The following RNF150 variants were observed in gnomAD, a reference collection of about 807,000 sequenced individuals.
RNF150 encodes the protein ring finger protein 150.
A neutral mutation model predicts 39.3 loss-of-function variants in RNF150; 24 were observed. The observed-to-expected ratio is 0.61, with a 90% CI of 0.44 to 0.86. RNF150 has a LOEUF of 0.86. Ranked by LOEUF, RNF150 falls within the 40% of genes least tolerant of loss-of-function variation. The probability of loss-of-function intolerance (pLI) is 0.00; values close to 1 mark genes in which losing one functional copy is unlikely to be tolerated. For missense variants in RNF150, 502 were observed against 587.8 expected, an observed-to-expected ratio of 0.85 and a Z score of 1.51; for synonymous variants, 255 against 227.3, an observed-to-expected ratio of 1.12 and a Z score of -1.10.
intron 1 of RNF150, among the ~76,000 whole-genome samples, chr4:141,014,622 C>T (rs1437094639): frequency 2.3e-5 from 2 of 86,884 alleles, no homozygotes; most frequent in African/African-American, 5.8e-5. Flanking sequence ...TACCAATTGG[C>T]CACATTTGCA....
At chr4:140,930,938 T>A (rs1731610459) in intron 4 of RNF150, among the ~76,000 whole-genome samples, 1 of 117,944 alleles carries the variant, frequency 8.5e-6, no homozygotes. Flanking sequence ...CTGGATCTGC[T>A]GGGGTTTTTT....
At chr4:141,188,432 T>C (rs192835369) in intron 1 of RNF150, among the ~76,000 whole-genome samples, 1 of 152,226 alleles carries the variant, frequency 6.6e-6, no homozygotes, top group Non-Finnish European at 1.5e-5. Flanking sequence ...GATAATATCC[T>C]GAAGTGTGTT....
At position 141,029,144 on chromosome 4, in the gene RNF150, G is replaced by A. The variant is rs1024517460; in HGVS notation, c.485-61271C>T. On this transcript the variant is annotated intron_variant, in intron 1 of 6. Transcript: ENST00000515673. ...AACTTGTGAATACATTGATATGCCC[G>A]GAGAAGAAGGGTTCTGTTAAAACTA... Among the ~76,000 whole-genome samples, 10 of 152,218 alleles carry A rather than the reference G, an allele frequency of 6.6e-5. No homozygotes were observed. The South Asian group carries it at 8.3e-4, about 13-fold the overall frequency.
At chr4:140,921,795 G>C (rs1254892780) in intron 5 of RNF150, among the ~76,000 whole-genome samples, 1 of 152,144 alleles carries the variant, frequency 6.6e-6, no homozygotes, top group African/African-American at 2.4e-5. Flanking sequence ...TCATCCCTGG[G>C]ATGCAAGGCT....
rs1010701692 is a variant in RNF150, at chr4:140,862,526, A to G, written c.*5735T>C. The G allele has an allele frequency of 6.6e-6, 1 of 152,218 alleles. No homozygotes were observed. Among genetic ancestry groups the G allele is most frequent in the Non-Finnish European group, 1.5e-5 (1 of 68,038 alleles). 9.4% of individuals were successfully genotyped at this position (152,218 alleles called of 1,614,324 possible). A position where few individuals can be genotyped will look rare whatever the true frequency, so the allele number is the denominator to read the frequency against. On this transcript the variant is annotated 3_prime_UTR_variant, in exon 7 of 7. Transcript: ENST00000515673. ...GACTTGCTTCATTAGTTCTGGGATG[A>G]TAACTTGGTGTCAATAAAAGGTGTA...
At chr4:141,045,547 T>C (rs1055974385) in intron 1 of RNF150, among the ~76,000 whole-genome samples, 1 of 152,058 alleles carries the variant, frequency 6.6e-6, no homozygotes, top group Non-Finnish European at 1.5e-5. Context: ...TTTTTATTTA[T>C]TTATTTATTT....
intron 1 of RNF150, among the ~76,000 whole-genome samples, chr4:141,071,508 G>T (rs1329801239): frequency 6.6e-6 from 1 of 151,926 alleles, no homozygotes; most frequent in African/African-American, 2.4e-5. Flanking sequence ...AAACAAGCAG[G>T]GAGGGATTGA....
At chr4:140,906,354 TAAA>T (rs1465469349) in intron 6 of RNF150, among the ~76,000 whole-genome samples, 1 of 151,938 alleles carries the variant, frequency 6.6e-6, no homozygotes, top group Admixed American at 6.6e-5. Flanking sequence ...ATAATATAAA[TAAA>T]AAGTCAATAT....
chr4:140,925,131 C>T (rs966280136), intron 5 of RNF150, among the ~76,000 whole-genome samples: 5 of 152,162 alleles, frequency 3.3e-5, no homozygotes, highest in South Asian at 2.1e-4. Context: ...ATCTGCATTT[C>T]GTTTGTCTGA....
intron 1 of RNF150, among the ~76,000 whole-genome samples, chr4:141,177,893 G>A (rs1209610984): frequency 2.0e-5 from 3 of 151,976 alleles, no homozygotes; most frequent in African/African-American, 7.3e-5. Flanking sequence ...ATCTTATACT[G>A]CTATAAGAAT....
chr4:141,015,173 T>C (rs1735224679), intron 1 of RNF150, among the ~76,000 whole-genome samples: 1 of 152,194 alleles, frequency 6.6e-6, no homozygotes, highest in South Asian at 2.1e-4. Context: ...CTCCTATTGA[T>C]TGATGTGTCT....
intron 1 of RNF150, among the ~76,000 whole-genome samples, chr4:141,199,118 A>G (rs1728250937): frequency 6.6e-6 from 1 of 152,244 alleles, no homozygotes; most frequent in Non-Finnish European, 1.5e-5. Context: ...ACACTTGAAA[A>G]GATGCTCAAC....
chr4:141,188,863 T>C (rs1728058413), intron 1 of RNF150, among the ~76,000 whole-genome samples: 1 of 151,942 alleles, frequency 6.6e-6, no homozygotes, highest in South Asian at 2.1e-4. Context: ...ACCCACCTTC[T>C]TGAAGCCAAC....
At chr4:141,072,490 C>A (rs1355226516) in intron 1 of RNF150, among the ~76,000 whole-genome samples, 2 of 152,156 alleles carry the variant, frequency 1.3e-5, no homozygotes, top group Non-Finnish European at 2.9e-5. Flanking sequence ...AAGGAAGATT[C>A]ACACATGTAT....
chr4:141,071,249 G>A (rs1404277524), intron 1 of RNF150, among the ~76,000 whole-genome samples: 1 of 122,452 alleles, frequency 8.2e-6, no homozygotes, highest in African/African-American at 3.1e-5. Flanking sequence ...GGGGGAGGGG[G>A]GAGGGATAGC....
At chr4:140,910,176 C>A (rs1730539069) in intron 6 of RNF150, among the ~76,000 whole-genome samples, 1 of 152,024 alleles carries the variant, frequency 6.6e-6, no homozygotes. Flanking sequence ...ATAAAAATCA[C>A]AAATATGTAA....
At chr4:141,187,653 A>G (rs1037137997) in intron 1 of RNF150, among the ~76,000 whole-genome samples, 3 of 152,086 alleles carry the variant, frequency 2.0e-5, no homozygotes, top group Admixed American at 1.3e-4. Flanking sequence ...AGTCTGTTTT[A>G]TTGGAGACTA....
intron 1 of RNF150, among the ~76,000 whole-genome samples, chr4:141,122,427 T>C (rs1726638564): frequency 6.6e-6 from 1 of 152,224 alleles, no homozygotes; most frequent in Non-Finnish European, 1.5e-5. Context: ...ACAGATGTCT[T>C]TTCTCCTTCA....
chr4:141,204,591 G>A (rs899082982), intron 1 of RNF150, among the ~76,000 whole-genome samples: 2 of 152,126 alleles, frequency 1.3e-5, no homozygotes, highest in African/African-American at 4.8e-5. Flanking sequence ...TGAGGGTGGA[G>A]AGGGATTTTA....
Sources: gnomAD v4.1 joint callset for allele counts (sites outside exome capture counted in the v4.1 genomes callset) on GRCh38, gnomAD v4.1.1 for gene constraint, MANE v1.5 for transcripts, NCBI Gene and HGNC (gene_info 2026-07-23, HGNC 2026-07-21) for gene names.